CACNA1A: variants seen among roughly 807,000 people sequenced by gnomAD.
CACNA1A encodes the protein calcium voltage-gated channel subunit alpha1 A.
A neutral mutation model predicts 262.4 loss-of-function variants in CACNA1A; 57 were observed. That is an observed-to-expected ratio of 0.22 (90% CI 0.18 to 0.27). CACNA1A has a LOEUF of 0.27. Among genes scored for constraint, CACNA1A ranks in the 10% least tolerant of loss-of-function variants. The pLI is 1.00. For synonymous variants in CACNA1A, 1,431 were observed against 1,419.3 expected (o/e 1.01, Z -0.18); for missense variants, 2,526 against 3,562.8 (o/e 0.71, Z 7.41).
chr19:13,244,640 G>A (rs1359190705), intron 31 of CACNA1A: 2 of 153,450 alleles, frequency 1.3e-5, no homozygotes, highest in Non-Finnish European at 2.9e-5. Context: ...CCACAGAGAG[G>A]TCCAGAGACT....
chr19:13,435,952 G>A (rs527998126), intron 3 of CACNA1A, among the ~76,000 whole-genome samples: 3 of 152,264 alleles, frequency 2.0e-5, no homozygotes, highest in East Asian at 1.9e-4. Context: ...AGCCTCCCGA[G>A]TAGCTGAGAT....
intron 19 of CACNA1A, among the ~76,000 whole-genome samples, chr19:13,296,685 C>G (rs2057672516): frequency 6.6e-6 from 1 of 150,540 alleles, no homozygotes; most frequent in South Asian, 2.1e-4. Context: ...CCACCACATC[C>G]CGCTGCATCC....
intron 6 of CACNA1A, among the ~76,000 whole-genome samples, chr19:13,348,370 TGGAGAAAGA>T (rs990810072): frequency 1.3e-3 from 188 of 145,612 alleles, no homozygotes; most frequent in African/African-American, 4.5e-3. Context: ...GAGAAGGAGG[TGGAGAAAGA>T]GAAGGAAGAG....
chr19:13,247,251 C>T (rs1361547580), intron 30 of CACNA1A, among the ~76,000 whole-genome samples: 2 of 152,242 alleles, frequency 1.3e-5, no homozygotes, highest in African/African-American at 4.8e-5. Context: ...CTGTGCTTCC[C>T]TCCTAGGCGA....
At chr19:13,321,025 CTTT>C (rs55792271) in intron 10 of CACNA1A, among the ~76,000 whole-genome samples, 3 of 135,938 alleles carry the variant, frequency 2.2e-5, no homozygotes, top group Non-Finnish European at 4.7e-5. Flanking sequence ...TGTTCTTTTC[CTTT>C]TTTTTTTTTT....
In CACNA1A at chr19:13,255,222, A is replaced by G; in HGVS notation, c.4628T>C (p.Leu1543Pro). Residue 1543 changes from leucine to proline, a missense_variant, in exon 29 of 47, where the codon CTG (leucine) becomes CCG (proline). Transcript: ENST00000360228. ...CTTGTTCTGCGGCATGTGTCGGGTC[A>G]GCGGCTTGGCGCTGATGGCGAAATC... ...CIDFAISAKP[L>P]TRHMPQNKQS... 6.2e-7 allele frequency: 1 copy of G among 1,609,524 alleles called. No individual in the cohort carries two copies. Among genetic ancestry groups the G allele is most frequent in the Non-Finnish European group, 8.5e-7 (1 of 1,176,290 alleles).
chr19:13,267,534 C>T (rs1015503395), intron 24 of CACNA1A, among the ~76,000 whole-genome samples: 4 of 152,180 alleles, frequency 2.6e-5, no homozygotes, highest in African/African-American at 7.2e-5. Context: ...AGAAACCCCT[C>T]TTCTCCAGGC....
In CACNA1A at chr19:13,253,119, G is replaced by A. The variant is rs762557748; in HGVS notation, c.4756-18C>T. On this transcript the variant is annotated intron_variant, in intron 29 of 46. Transcript: ENST00000360228. ...CCATAGAACTAGGGGAAAGAAGCAG[G>A]AGTAGCAGGGGTCAGCGAGCAGGGG... 1.3e-6 allele frequency: 2 copies of A among 1,530,996 alleles called. No individual in the cohort carries two copies. Among genetic ancestry groups the A allele is most frequent in the Non-Finnish European group, 1.8e-6 (2 of 1,104,868 alleles). 94.8% of individuals were successfully genotyped at this position (1,530,996 alleles called of 1,614,324 possible). A position where few individuals can be genotyped will look rare whatever the true frequency, so the allele number is the denominator to read the frequency against.
Position 13,209,418 on chromosome 19 carries a change from C to T in CACNA1A, c.6420G>A (p.Leu2140=). Residue 2140 remains leucine, a synonymous_variant, in exon 45 of 47, where the codon CTG becomes CTA. Transcript: ENST00000360228. ...PKARRLDDYS[L]ERVPPEENQR... ...GGTTCTCCTCGGGCGGGACCCGCTC[C>T]AGCGAGTAATCGTCCAGGCGTCGGG... The T allele has an allele frequency of 7.2e-7, 1 of 1,393,234 alleles. No individual in the cohort carries two copies. The highest frequency in any genetic ancestry group is 9.3e-7 in the Non-Finnish European group (1 of 1,069,620). The allele number at this position is 1,393,234 out of a possible 1,614,324, so 86.3% of individuals were successfully genotyped here.
intron 4 of CACNA1A, chr19:13,370,670 C>G (rs187393947): frequency 6.7e-6 from 1 of 150,308 alleles, no homozygotes; most frequent in Non-Finnish European, 1.5e-5. Flanking sequence ...TCTATCTGCC[C>G]GCTTCGGTCT....
At chr19:13,488,832 G>A (rs1980378080) in intron 1 of CACNA1A, among the ~76,000 whole-genome samples, 1 of 151,922 alleles carries the variant, frequency 6.6e-6, no homozygotes, top group Non-Finnish European at 1.5e-5. Context: ...CAAGCTCCCA[G>A]GAGATGCTAA....
chr19:13,298,734 C>T lies in CACNA1A; in HGVS notation c.2899G>A (p.Glu967Lys), dbSNP rs1555755929. The change falls in exon 19 of 47, where the codon GAG becomes AAG. Residue 967 changes from glutamate to lysine, a missense_variant. Physicochemically the swap from Glu to Lys is moderately conservative, Grantham distance 56 (BLOSUM62 1). Transcript: ENST00000360228. ...CGCTCCGCCTTGTCCTCCGGACCCT[C>T]CTCCCCGGGCCTGCGGTGCGCGCGA... is the stretch of plus-strand genomic sequence containing the variant. ...RHRAHRRPGE[E>K]GPEDKAERRA... is the part of the protein sequence containing the mutation. 8.7e-6 allele frequency: 13 copies of T among 1,501,162 alleles called. No individual in the cohort carries two copies. Among genetic ancestry groups the T allele is most frequent in the Non-Finnish European group, 1.1e-5 (12 of 1,130,928 alleles). 93.0% of individuals were successfully genotyped at this position (1,501,162 alleles called of 1,614,324 possible).
chr19:13,402,774 A>G, intron 3 of CACNA1A, among the ~76,000 whole-genome samples: 1 of 132,022 alleles, frequency 7.6e-6, no homozygotes, highest in East Asian at 2.3e-4. Context: ...ATATACATAT[A>G]TATACATATA....
At chr19:13,399,332 C>T (rs2059859860) in intron 3 of CACNA1A, among the ~76,000 whole-genome samples, 1 of 151,452 alleles carries the variant, frequency 6.6e-6, no homozygotes, top group African/African-American at 2.4e-5. Context: ...ATGAGCAATT[C>T]TGACTTCCTC....
rs555295963 is a variant in CACNA1A, at chr19:13,413,633, C to T, written c.539+39243G>A. 5.0e-5 allele frequency among the ~76,000 whole-genome samples: 7 copies of T among 138,776 alleles called. No homozygotes were observed. In the East Asian group the frequency reaches 1.6e-3, roughly 32 times the overall value. The allele number at this position is 138,776 out of a possible 152,430, so 91.0% of individuals were successfully genotyped here. ...TGGCTCACACCTGTTAATCCCAACA[C>T]TTTGGGAGGCTGAGGTGGGAGGATC... On this transcript the variant is annotated intron_variant, in intron 3 of 46. Coordinates refer to ENST00000360228, the MANE Select transcript of CACNA1A (RefSeq NM_001127222.2).
rs72995963 is a variant in CACNA1A at position 13,212,792 on chromosome 19, G to A, written c.5941-52C>T. The A allele has an allele frequency of 0.16, 144,949 of 883,936 alleles. 17,686 individuals are homozygous for A. The highest frequency in any genetic ancestry group is 0.63 in the East Asian group (23,439 of 37,198). 54.8% of individuals were successfully genotyped at this position (883,936 alleles called of 1,614,324 possible). On this transcript the variant is annotated intron_variant, in intron 40 of 46. Transcript: ENST00000360228. The surrounding 1 kb of genome is among the most constrained non-coding windows in gnomAD (Gnocchi z 5.6). ...GTGGACAAGGGTGGGGTGGTGGGAC[G>A]GTGGTACCCAGAAGGCATTGCGACA... is the stretch of plus-strand genomic sequence containing the variant.
intron 22 of CACNA1A, among the ~76,000 whole-genome samples, chr19:13,279,965 C>G (rs150149864): frequency 6.6e-6 from 1 of 151,918 alleles, no homozygotes; most frequent in Non-Finnish European, 1.5e-5. Flanking sequence ...TGTGTTACCA[C>G]GCCCAGATAA....
chr19:13,207,189 G>T lies in CACNA1A; in HGVS notation c.*124C>A. 1 of 1,069,318 alleles carries T rather than the reference G, an allele frequency of 9.4e-7. No individual in the cohort carries two copies. The highest frequency in any genetic ancestry group is 1.3e-6 in the Non-Finnish European group (1 of 794,450). 66.2% of individuals were successfully genotyped at this position (1,069,318 alleles called of 1,614,324 possible). A position where few individuals can be genotyped will look rare whatever the true frequency, so the allele number is the denominator to read the frequency against. ...CAGCCCTGGCCTCTCCAGAGTCTGG[G>T]GTCTCCCGGCTGGCCCTCTCCCGGG... On this transcript the variant is annotated 3_prime_UTR_variant, in exon 47 of 47. Coordinates refer to ENST00000360228, the MANE Select transcript of CACNA1A (RefSeq NM_001127222.2). This position sits in a 1 kb window ranked among gnomAD's most constrained non-coding sequence, Gnocchi z 5.7.
At position 13,207,396 on chromosome 19, in the gene CACNA1A, G is replaced by A. The variant is rs753189050; in HGVS notation, c.7438C>T (p.His2480Tyr). ...GGCCCGCGGGGCCTGGCCAGTCCGTGCGCCGGGTAGTAGCCGTTGGGGAGT... is the reference window on the plus strand; with the variant it reads ...GGCCCGCGGGGCCTGGCCAGTCCGTACGCCGGGTAGTAGCCGTTGGGGAGT... ...RRLPNGYYPAHGLARPRGPGS... is the reference protein window; with the variant it reads ...RRLPNGYYPAYGLARPRGPGS... Residue 2480 changes from histidine to tyrosine, a missense_variant, in exon 47 of 47, where the codon CAC becomes TAC. His to Tyr is a moderately conservative substitution (Grantham distance 83, BLOSUM62 2). Around this residue, in one of 17 missense-constraint regions of CACNA1A, gnomAD observed 929 missense variants for 868.1 expected, o/e 1.07. Coordinates refer to ENST00000360228, the MANE Select transcript of CACNA1A (RefSeq NM_001127222.2). This position sits in a 1 kb window ranked among gnomAD's most constrained non-coding sequence, Gnocchi z 5.7. The A allele has an allele frequency of 8.4e-6, 13 of 1,538,624 alleles. No individual in the cohort carries two copies. The highest frequency in any genetic ancestry group is 1.1e-5 in the Non-Finnish European group (13 of 1,148,290).
Sources: allele counts gnomAD v4.1 joint callset (sites outside exome capture counted in the v4.1 genomes callset), GRCh38; gene constraint gnomAD v4.1.1; regional missense constraint gnomAD v4.1.1; non-coding constraint Gnocchi (gnomAD v3.1); transcripts MANE v1.5; gene names NCBI Gene and HGNC (gene_info 2026-07-23, HGNC 2026-07-21).